SNX8: variants seen among roughly 807,000 people sequenced by gnomAD.
SNX8 encodes the protein sorting nexin 8.
SNX8 carries 25 observed loss-of-function variants against 51.6 expected under a neutral mutation model. That is an observed-to-expected ratio of 0.48 (90% CI 0.35 to 0.68). The LOEUF (loss-of-function observed/expected upper bound fraction) is 0.68, where lower values mean the gene tolerates loss of function less well. Ranked by LOEUF, SNX8 falls within the 30% of genes least tolerant of loss-of-function variation. The probability of loss-of-function intolerance (pLI) is 0.00; values close to 1 mark genes in which losing one functional copy is unlikely to be tolerated. For missense variants in SNX8, 695 were observed against 624.0 expected (o/e 1.11, Z -1.21); for synonymous variants, 324 against 277.0 (o/e 1.17, Z -1.68).
At chr7:2,343,549 C>T (rs1193169821) in intron 1 of SNX8, among the ~76,000 whole-genome samples, 1 of 151,972 alleles carries the variant, frequency 6.6e-6, no homozygotes, top group African/African-American at 2.4e-5. Flanking sequence ...GTGGCGTGCA[C>T]CTGTAGTCCC....
At chr7:2,258,727 G>A (rs145090960) in intron 7 of SNX8, among the ~76,000 whole-genome samples, 3,165 of 152,312 alleles carry the variant, frequency 0.021, 65 homozygotes, top group Non-Finnish European at 0.036. Context: ...GCCCCAGGCT[G>A]CACGCAGAAG....
chr7:2,298,774 C>T (rs1257915695), intron 1 of SNX8, among the ~76,000 whole-genome samples: 3 of 151,852 alleles, frequency 2.0e-5, no homozygotes, highest in African/African-American at 7.3e-5. Flanking sequence ...TCACTGCAAC[C>T]TCCACCTCCC....
At chr7:2,294,527 C>A (rs970760202) in intron 1 of SNX8, among the ~76,000 whole-genome samples, 5 of 152,150 alleles carry the variant, frequency 3.3e-5, no homozygotes, top group Admixed American at 2.0e-4. Context: ...GGAGGCCCAG[C>A]GGGTGATGAC....
At chr7:2,277,934 C>T (rs987969163) in intron 2 of SNX8, among the ~76,000 whole-genome samples, 166 bp downstream of exon 2, 5 of 152,086 alleles carry the variant, frequency 3.3e-5, no homozygotes, top group African/African-American at 1.2e-4. Flanking sequence ...GTGGAAAAGT[C>T]ACCTCCGCAG....
intron 1 of SNX8, among the ~76,000 whole-genome samples, chr7:2,286,361 C>G (rs969928051): frequency 6.6e-6 from 1 of 151,990 alleles, no homozygotes; most frequent in Non-Finnish European, 1.5e-5. Context: ...ATTTCATTAA[C>G]CTTTAGGTTT....
intron 1 of SNX8, among the ~76,000 whole-genome samples, chr7:2,302,868 A>G (rs574589295): frequency 1.4e-5 from 2 of 139,316 alleles, no homozygotes; most frequent in Non-Finnish European, 3.1e-5. Context: ...CTGCCTGGCA[A>G]CCGCCCCGTC....
chr7:2,291,759 T>C (rs1410504512), intron 1 of SNX8, among the ~76,000 whole-genome samples: 1 of 152,182 alleles, frequency 6.6e-6, no homozygotes, highest in Non-Finnish European at 1.5e-5. Context: ...TAAGGGTCTA[T>C]CAGTCCTTCC....
chr7:2,313,510 T>G, intron 1 of SNX8, among the ~76,000 whole-genome samples: 2 of 135,840 alleles, frequency 1.5e-5, no homozygotes. Flanking sequence ...TGAGTGACAG[T>G]GAGAATCTGT....
chr7:2,267,312 C>T (rs992147829), intron 5 of SNX8, among the ~76,000 whole-genome samples: 3 of 108,868 alleles, frequency 2.8e-5, no homozygotes, highest in African/African-American at 4.0e-5. Context: ...CTCTCCCTCC[C>T]CCTCCCCCTC....
intron 1 of SNX8, among the ~76,000 whole-genome samples, chr7:2,286,644 G>C (rs1584703653): frequency 6.6e-6 from 1 of 150,998 alleles, no homozygotes; most frequent in East Asian, 2.0e-4. Flanking sequence ...TCAGCCTCCT[G>C]AGTAGCCGGG....
At chr7:2,292,938 A>G (rs1796187268) in intron 1 of SNX8, among the ~76,000 whole-genome samples, 1 of 152,002 alleles carries the variant, frequency 6.6e-6, no homozygotes, top group Admixed American at 6.6e-5. Flanking sequence ...TGGCAGAATG[A>G]CTTGAGCCCA....
At chr7:2,333,436 CCTGTAGTCCCAGCTA>C (rs1362526980) in intron 1 of SNX8, among the ~76,000 whole-genome samples, 2 of 152,020 alleles carry the variant, frequency 1.3e-5, no homozygotes, top group African/African-American at 4.8e-5. Flanking sequence ...GGTGTGCGCG[CCTGTAGTCCCAGCTA>C]CTCGGGAGGC....
At chr7:2,319,553 C>T (rs1355631048) in intron 1 of SNX8, among the ~76,000 whole-genome samples, 7 of 152,220 alleles carry the variant, frequency 4.6e-5, no homozygotes, top group Middle Eastern at 3.4e-3. Flanking sequence ...CGGTGGCTCA[C>T]GCCTGTAATC....
chr7:2,289,577 T>C (rs1047004278), intron 1 of SNX8, among the ~76,000 whole-genome samples: 1 of 152,162 alleles, frequency 6.6e-6, no homozygotes, highest in African/African-American at 2.4e-5. Context: ...ATAACCACCG[T>C]TCCATATTCC....
chr7:2,327,881 G>A (rs974823304), intron 1 of SNX8, among the ~76,000 whole-genome samples: 1 of 150,550 alleles, frequency 6.6e-6, no homozygotes, highest in South Asian at 2.1e-4. Flanking sequence ...TTTTCTTTTC[G>A]AAACAAGGTC....
rs929345508 is a variant in SNX8 at position 2,254,997 on chromosome 7, A to G, written c.*59T>C. 4.4e-6 allele frequency: 5 copies of G among 1,131,572 alleles called. No individual in the cohort carries two copies. The Admixed American group carries it at 9.9e-5, about 22-fold the overall frequency. The allele number at this position is 1,131,572 out of a possible 1,614,324, so 70.1% of individuals were successfully genotyped here. A position where few individuals can be genotyped will look rare whatever the true frequency, so the allele number is the denominator to read the frequency against. On this transcript the variant is annotated 3_prime_UTR_variant, in exon 11 of 11. Transcript: ENST00000222990. ...CGTCCAAAGGGAATTACACCGGGAC[A>G]CACCGTTTGGAAAGAGGTTTTAGTG...
chr7:2,268,945 G>A (rs1378586420), intron 5 of SNX8, among the ~76,000 whole-genome samples: 2 of 133,500 alleles, frequency 1.5e-5, no homozygotes, highest in East Asian at 2.2e-4. Flanking sequence ...GCCCCGTCCG[G>A]GAGGTGAGGG....
intron 1 of SNX8, among the ~76,000 whole-genome samples, chr7:2,352,319 AGCCCCCCC>A (rs1779162017): frequency 6.6e-6 from 1 of 152,202 alleles, no homozygotes; most frequent in East Asian, 1.9e-4. Flanking sequence ...CAAACACAGT[AGCCCCCCC>A]GACCCCCAGT....
intron 3 of SNX8, among the ~76,000 whole-genome samples, chr7:2,272,376 T>A (rs1338666522): frequency 2.0e-5 from 3 of 150,758 alleles, no homozygotes; most frequent in Non-Finnish European, 4.4e-5. Context: ...GGTCTTCTTT[T>A]CTTTTTTTTT....
Sources: allele counts gnomAD v4.1 joint callset (sites outside exome capture counted in the v4.1 genomes callset), GRCh38; gene constraint gnomAD v4.1.1; transcripts MANE v1.5; gene names NCBI Gene and HGNC (gene_info 2026-07-23, HGNC 2026-07-21).